AP3B1: variants seen among roughly 807,000 people sequenced by gnomAD.
AP3B1 encodes the protein AP-3 complex subunit beta-1.
Under a neutral mutation model 132.5 loss-of-function variants are expected in AP3B1, and 61 were observed. The observed-to-expected ratio is 0.46, with a 90% CI of 0.37 to 0.57. The LOEUF (loss-of-function observed/expected upper bound fraction) is 0.57. Among genes scored for constraint, AP3B1 ranks in the 20% least tolerant of loss-of-function variants. The pLI is 0.00. For missense variants in AP3B1, 1,120 were observed against 1,289.4 expected (o/e 0.87, Z 2.01); for synonymous variants, 388 against 438.3 (o/e 0.89, Z 1.43).
chr5:78,244,351 T>C (rs1467536322), intron 2 of AP3B1, among the ~76,000 whole-genome samples: 1 of 151,986 alleles, frequency 6.6e-6, no homozygotes, highest in Non-Finnish European at 1.5e-5. Context: ...AGCCGGGGAT[T>C]GCAGTGAGCC....
At chr5:78,260,305 G>A (rs1460734951) in intron 2 of AP3B1, among the ~76,000 whole-genome samples, 5 of 152,058 alleles carry the variant, frequency 3.3e-5, no homozygotes, top group Non-Finnish European at 5.9e-5. Context: ...AATGAGGAGG[G>A]GCCGGGCGTG....
In AP3B1 at chr5:78,128,990, T is replaced by C. The variant is rs1752580993; in HGVS notation, c.1837+131A>G. 2.7e-5 allele frequency: 21 copies of C among 781,010 alleles called. No individual in the cohort carries two copies. In the South Asian group the frequency reaches 4.2e-4, roughly 15 times the overall value. 48.4% of individuals were successfully genotyped at this position (781,010 alleles called of 1,614,324 possible). Reference sequence around the variant, plus strand: ...GCAGATGAATGAGTAGAAAGCATGCTGTTCTTATATATTTATATATGCGAA... The same window carrying C: ...GCAGATGAATGAGTAGAAAGCATGCCGTTCTTATATATTTATATATGCGAA... On this transcript the variant is annotated intron_variant, in intron 16 of 26. Transcript: ENST00000255194.
chr5:78,108,375 C>T (rs957413990), intron 20 of AP3B1, among the ~76,000 whole-genome samples: 1 of 152,160 alleles, frequency 6.6e-6, no homozygotes, highest in African/African-American at 2.4e-5. Context: ...TCTGTAATTG[C>T]ATGGTATACA....
At chr5:78,188,992 C>T (rs1418001649) in intron 7 of AP3B1, among the ~76,000 whole-genome samples, 4 of 152,146 alleles carry the variant, frequency 2.6e-5, no homozygotes, top group African/African-American at 9.7e-5. Flanking sequence ...AAACCAAACA[C>T]CACGTTCTCA....
At chr5:78,204,634 T>A (rs912802039) in intron 7 of AP3B1, among the ~76,000 whole-genome samples, 4 of 152,226 alleles carry the variant, frequency 2.6e-5, no homozygotes, top group African/African-American at 9.6e-5. Context: ...CCAAGGGGCA[T>A]TAGTAGATAA....
At chr5:78,160,661 C>G (rs1295844186) in intron 13 of AP3B1, among the ~76,000 whole-genome samples, 1 of 151,962 alleles carries the variant, frequency 6.6e-6, no homozygotes, top group Admixed American at 6.6e-5. Context: ...ATTCCTAGAG[C>G]CTTAAAAGAT....
intron 2 of AP3B1, among the ~76,000 whole-genome samples, chr5:78,264,710 G>C (rs1388654796): frequency 6.6e-6 from 1 of 152,220 alleles, no homozygotes; most frequent in Non-Finnish European, 1.5e-5. Flanking sequence ...AAGGAAGAAA[G>C]GGAAAGAACA....
At chr5:78,107,181 G>A (rs542169345) in intron 20 of AP3B1, among the ~76,000 whole-genome samples, 107 of 152,238 alleles carry the variant, frequency 7.0e-4, no homozygotes, top group African/African-American at 2.5e-3. Flanking sequence ...CCAAAAGAAT[G>A]AAAGGTCAAA....
At chr5:78,190,043 A>G (rs1216813699) in intron 7 of AP3B1, among the ~76,000 whole-genome samples, 1 of 151,820 alleles carries the variant, frequency 6.6e-6, no homozygotes, top group Non-Finnish European at 1.5e-5. Context: ...TTATATTGCT[A>G]CTAATAAAAC....
At chr5:78,040,026 G>A (rs528767077) in intron 22 of AP3B1, among the ~76,000 whole-genome samples, 4 of 151,752 alleles carry the variant, frequency 2.6e-5, no homozygotes, top group Non-Finnish European at 5.9e-5. Flanking sequence ...ATGAACGTCT[G>A]GACCTTCATT....
intron 22 of AP3B1, 84 bp from the exon 23 acceptor site, chr5:78,039,358 T>A (rs1271589260): frequency 5.5e-6 from 6 of 1,092,954 alleles, no homozygotes; most frequent in Non-Finnish European, 8.3e-6. Flanking sequence ...TTATGACATT[T>A]AATTCTTGGT....
Position 78,023,433 on chromosome 5 carries a change from C to A in AP3B1, c.2895-2644G>T, listed in dbSNP as rs559768930. Among the ~76,000 whole-genome samples the A allele has an allele frequency of 3.2e-4, 45 of 139,372 alleles. No individual in the cohort carries two copies. The East Asian group carries it at 7.3e-3, about 23-fold the overall frequency. The allele number at this position is 139,372 out of a possible 152,430, so 91.4% of individuals were successfully genotyped here. The stretch of plus-strand genomic sequence containing the variant: ...CTCCAGCCTAGGTGATAGAGTGAGA[C>A]CCCATCAAGAAAAGAAAAGAAAAGA... On this transcript the variant is annotated intron_variant, in intron 24 of 26. Coordinates refer to ENST00000255194, the MANE Select transcript of AP3B1 (RefSeq NM_003664.5).
chr5:78,113,102 G>A (rs1287565676), intron 19 of AP3B1, among the ~76,000 whole-genome samples: 2 of 152,142 alleles, frequency 1.3e-5, no homozygotes, highest in Non-Finnish European at 2.9e-5. Context: ...GACTGAGCCG[G>A]GCTGCAAGCT....
intron 1 of AP3B1, among the ~76,000 whole-genome samples, chr5:78,285,421 T>C (rs1328848257): frequency 1.3e-5 from 2 of 152,142 alleles, no homozygotes; most frequent in Non-Finnish European, 2.9e-5. Flanking sequence ...GACCTATTTG[T>C]ATTATTTGAC....
intron 7 of AP3B1, among the ~76,000 whole-genome samples, chr5:78,207,598 T>A (rs1745562492): frequency 6.6e-6 from 1 of 151,070 alleles, no homozygotes. Context: ...GAAAAGAAAA[T>A]TCCCTAAAAT....
chr5:78,110,946 C>T (rs1751564953), intron 19 of AP3B1, among the ~76,000 whole-genome samples: 2 of 152,000 alleles, frequency 1.3e-5, no homozygotes, highest in South Asian at 4.1e-4. Flanking sequence ...TTTGTAGAGA[C>T]AGGGTCTCAC....
At chr5:78,047,128 T>C (rs1275011130) in intron 22 of AP3B1, among the ~76,000 whole-genome samples, 1 of 152,214 alleles carries the variant, frequency 6.6e-6, no homozygotes, top group African/African-American at 2.4e-5. Context: ...TACTTCCAAG[T>C]CTTTGTTATT....
intron 15 of AP3B1, 93 bp downstream of exon 15, chr5:78,141,050 T>C (rs1753122943): frequency 1.7e-6 from 2 of 1,156,886 alleles, no homozygotes; most frequent in South Asian, 1.2e-5. Context: ...AATTGTTGAA[T>C]GGTCAGACTA....
chr5:78,122,422 T>G (rs1461149922), intron 17 of AP3B1, among the ~76,000 whole-genome samples: 5 of 152,232 alleles, frequency 3.3e-5, no homozygotes, highest in Non-Finnish European at 5.9e-5. Flanking sequence ...TGTTTGCACA[T>G]GACATGATTG....
Sources: allele counts gnomAD v4.1 joint callset (sites outside exome capture counted in the v4.1 genomes callset), GRCh38; gene constraint gnomAD v4.1.1; transcripts MANE v1.5; gene names NCBI Gene and HGNC (gene_info 2026-07-23, HGNC 2026-07-21).